SLC30A10: variants seen among roughly 807,000 people sequenced by gnomAD.
The protein encoded by SLC30A10 is calcium/manganese antiporter SLC30A10.
SLC30A10 carries 8 observed loss-of-function variants against 21.7 expected under a neutral mutation model. The ratio of observed to expected loss-of-function variants is 0.37; its 90% CI spans 0.22 to 0.67. SLC30A10 has a LOEUF of 0.67. Among genes scored for constraint, SLC30A10 ranks in the 30% least tolerant of loss-of-function variants. The probability of loss-of-function intolerance (pLI) is 0.58; values close to 1 mark genes in which losing one functional copy is unlikely to be tolerated. For synonymous variants in SLC30A10, 272 were observed against 279.4 expected (o/e 0.97, Z 0.26); for missense variants, 521 against 642.5 (o/e 0.81, Z 2.04).
At chr1:219,954,735 GA>G (rs1158301014) in intron 1 of SLC30A10, among the ~76,000 whole-genome samples, 2 of 130,078 alleles carry the variant, frequency 1.5e-5, no homozygotes, top group Admixed American at 7.6e-5. Flanking sequence ...ATTTTTTTAA[GA>G]AAAAAATACT....
chr1:219,930,169 A>G (rs1330490535), upstream of SLC30A10, among the ~76,000 whole-genome samples: 1 of 151,540 alleles, frequency 6.6e-6, no homozygotes, highest in Non-Finnish European at 1.5e-5. Flanking sequence ...ACAAAAAACA[A>G]ACAAACAAAA....
intron 3 of SLC30A10, among the ~76,000 whole-genome samples, chr1:219,916,993 C>CA (rs1225875091): frequency 7.6e-6 from 1 of 131,720 alleles, no homozygotes; most frequent in Admixed American, 8.3e-5. Context: ...TTTTTAGAGA[C>CA]AGAGTCTTGC....
chr1:219,923,230 T>C (rs1047591000), intron 2 of SLC30A10, among the ~76,000 whole-genome samples: 6 of 152,210 alleles, frequency 3.9e-5, no homozygotes, highest in Non-Finnish European at 8.8e-5. Context: ...ATCTGAGACA[T>C]AAAGAGCACC....
Position 219,956,602 on chromosome 1 carries a change from C to G in SLC30A10, n.80+1966G>C, listed in dbSNP as rs1368802770. Among the ~76,000 whole-genome samples the G allele has an allele frequency of 2.7e-5, 4 of 149,888 alleles. No individual in the cohort carries two copies. In the East Asian group the frequency reaches 7.8e-4, roughly 29 times the overall value. ...GCCAAGCAGGTGGATCACTTGAGCT[C>G]AAGAGTTCGAGACCAGCCTGGCCAA... On this transcript the variant is annotated intron_variant and non_coding_transcript_variant, in intron 1 of 8. Transcript: ENST00000484239.
chr1:219,919,801 G>C (rs1199066997), intron 2 of SLC30A10, among the ~76,000 whole-genome samples: 1 of 149,110 alleles, frequency 6.7e-6, no homozygotes, highest in East Asian at 2.0e-4. Flanking sequence ...AAAATGCCCA[G>C]ATGATTGGAA....
At position 219,912,428 on chromosome 1, in the gene SLC30A10, G is replaced by A. The variant is rs184564437; in HGVS notation, c.*3021C>T. On this transcript the variant is annotated 3_prime_UTR_variant, in exon 4 of 4. Coordinates refer to ENST00000366926, the MANE Select transcript of SLC30A10 (RefSeq NM_018713.3). ...GGCCAATGCTAAAATAATGTGGAAA[G>A]GACTGTTTCTGTAGAAACAGAAGTG... Among the ~76,000 whole-genome samples the A allele has an allele frequency of 8.3e-4, 126 of 152,268 alleles. 1 individual carries two copies. The highest frequency in any genetic ancestry group is 3.0e-3 in the Admixed American group (46 of 15,290).
chr1:219,929,109 C>A (rs576967997), upstream of SLC30A10, among the ~76,000 whole-genome samples: 7 of 152,364 alleles, frequency 4.6e-5, no homozygotes, highest in Admixed American at 1.3e-4. Flanking sequence ...CAGCCCTCCA[C>A]CCTCATTCCA....
chr1:219,918,791 C>T lies in SLC30A10; in HGVS notation c.719-297G>A, dbSNP rs879669417. On this transcript the variant is annotated intron_variant, in intron 2 of 3. Coordinates refer to ENST00000366926, the MANE Select transcript of SLC30A10 (RefSeq NM_018713.3). The surrounding 1 kb of genome is among the most constrained non-coding windows in gnomAD (Gnocchi z 4.4). ...GGGCCACATCGCTACCACTCACCAC[C>T]CATCAAAGGGCACCAAGCTGGAAAA... 6 of 301,836 alleles carry T rather than the reference C, an allele frequency of 2.0e-5. No homozygotes were observed. Among genetic ancestry groups the T allele is most frequent in the Non-Finnish European group, 3.6e-5 (6 of 165,176 alleles). The allele number at this position is 301,836 out of a possible 1,614,324, so 18.7% of individuals were successfully genotyped here.
chr1:219,927,717 A>T, intron 1 of SLC30A10, 84 bp downstream of exon 1: 1 of 1,224,092 alleles, frequency 8.2e-7, no homozygotes, highest in Non-Finnish European at 1.1e-6. Flanking sequence ...CAGAAGAAAA[A>T]GAGGGCGTGG....
At chr1:219,927,651 A>C (rs1420752205) in intron 1 of SLC30A10, 150 bp downstream of exon 1, 6 of 541,958 alleles carry the variant, frequency 1.1e-5, no homozygotes, top group African/African-American at 1.6e-4. Context: ...AAAAAAAAAA[A>C]AAAAAAAAAA....
rs376869874 is a variant in SLC30A10, at chr1:219,936,884, A to G, written n.81-9779T>C. On this transcript the variant is annotated intron_variant and non_coding_transcript_variant, in intron 1 of 8. Coordinates refer to the SLC30A10 transcript ENST00000484239. ...ACTTACATTCTATTGTGTACCTGTA[A>G]TTCTGAAAGTGGCTTAGCCACAGTT... Among the ~76,000 whole-genome samples the G allele has an allele frequency of 6.6e-5, 10 of 152,308 alleles. No individual in the cohort carries two copies. The South Asian group carries it at 2.1e-3, about 32-fold the overall frequency.
chr1:219,945,941 A>T (rs1660181660), intron 1 of SLC30A10, among the ~76,000 whole-genome samples: 2 of 152,214 alleles, frequency 1.3e-5, no homozygotes, highest in African/African-American at 4.8e-5. Context: ...CTCCAACTCC[A>T]CCAGGCATGA....
chr1:219,924,738 C>T (rs886906084), intron 2 of SLC30A10, among the ~76,000 whole-genome samples: 7 of 152,144 alleles, frequency 4.6e-5, no homozygotes. Flanking sequence ...TGAATGGTAC[C>T]AGGGACAAAG....
chr1:219,927,948 C>T lies in SLC30A10; in HGVS notation c.493G>A (p.Gly165Ser). The T allele has an allele frequency of 1.3e-6, 2 of 1,541,188 alleles. No homozygotes were observed. The highest frequency in any genetic ancestry group is 1.7e-6 in the Non-Finnish European group (2 of 1,143,446). The change falls in exon 1 of 4, where the codon GGC (glycine) becomes AGC (serine). Residue 165 changes from glycine (G) to serine (S), a missense_variant. Physicochemically the swap from Gly to Ser is moderately conservative, Grantham distance 56. Transcript: ENST00000366926. Reference protein sequence around the residue: ...RQQLAEGCVPGAFGGPQGAED... With the variant: ...RQQLAEGCVPSAFGGPQGAED... The stretch of plus-strand genomic sequence containing the variant: ...GCGCCCTGAGGCCCCCCGAAAGCGC[C>T]GGGGACACAGCCCTCCGCCAGCTGC...
intron 1 of SLC30A10, among the ~76,000 whole-genome samples, chr1:219,958,331 C>T (rs1357123168): frequency 1.3e-5 from 2 of 152,080 alleles, no homozygotes; most frequent in Non-Finnish European, 2.9e-5. Flanking sequence ...TTTTTCATTC[C>T]CTGTGAGTAA....
Position 219,911,148 on chromosome 1 carries a change from A to AGTTTTTTTTTTGTTTTTTTTT in SLC30A10, c.*4300_*4301insAAAAAAAAACAAAAAAAAAAC, listed in dbSNP as rs59876760. On this transcript the variant is annotated 3_prime_UTR_variant, in exon 4 of 4. Coordinates refer to ENST00000366926, the MANE Select transcript of SLC30A10 (RefSeq NM_018713.3). ...CATGTTTCTTCATTTTTTCTACATC[A>AGTTTTTTTTTTGTTTTTTTTT]GTTTTTTTTTTTTTTTTTTTTTTTT... Among the ~76,000 whole-genome samples, 1 of 38,590 alleles carries AGTTTTTTTTTTGTTTTTTTTT rather than the reference A, an allele frequency of 2.6e-5. No homozygotes were observed. The highest frequency in any genetic ancestry group is 4.2e-5 in the Non-Finnish European group (1 of 23,696). 25.3% of individuals were successfully genotyped at this position (38,590 alleles called of 152,430 possible).
At chr1:219,932,160 T>A (rs183413208), upstream of SLC30A10, among the ~76,000 whole-genome samples, 3 of 151,434 alleles carry the variant, frequency 2.0e-5, no homozygotes, top group African/African-American at 7.3e-5. Flanking sequence ...ACCTCCCAGG[T>A]TCAAGCAGTT....
At chr1:219,937,060 A>G (rs1231839981) in intron 1 of SLC30A10, among the ~76,000 whole-genome samples, 1 of 152,208 alleles carries the variant, frequency 6.6e-6, no homozygotes, top group African/African-American at 2.4e-5. Flanking sequence ...CTACATATAT[A>G]TATTTGTTAA....
chr1:219,928,318 G>A lies in SLC30A10; in HGVS notation c.123C>T (p.Ser41=), dbSNP rs560178525. The A allele has an allele frequency of 3.7e-6, 6 of 1,611,818 alleles. 1 individual carries two copies. The South Asian group carries it at 6.6e-5, about 18-fold the overall frequency. Residue 41 remains serine (S), a synonymous_variant, in exon 1 of 4, where the codon TCC becomes TCT. Coordinates refer to ENST00000366926, the MANE Select transcript of SLC30A10 (RefSeq NM_018713.3). The surrounding 1 kb of genome is among the most constrained non-coding windows in gnomAD (Gnocchi z 6.3). The part of the protein sequence containing the change: ...LGNSIALLSD[S]FNMLSDLISL... ...AGATCAGGTCGGAGAGCATGTTGAAGGAGTCGGAGAGCAGCGCGATGGAGT... is the reference window on the plus strand; with the variant it reads ...AGATCAGGTCGGAGAGCATGTTGAAAGAGTCGGAGAGCAGCGCGATGGAGT...
Sources: gnomAD v4.1 joint callset for allele counts (sites outside exome capture counted in the v4.1 genomes callset) on GRCh38, gnomAD v4.1.1 for gene constraint, Gnocchi (gnomAD v3.1) non-coding constraint, MANE v1.5 for transcripts, NCBI Gene and HGNC (gene_info 2026-07-23, HGNC 2026-07-21) for gene names.